Variants in PCDH11Y observed in about 807,000 individuals in gnomAD.
PCDH11Y encodes protocadherin-11 Y-linked.
For missense variants in PCDH11Y, 12 were observed against 224.8 expected, an observed-to-expected ratio of 0.05 and a Z score of 6.05; for synonymous variants, 9 against 83.6, an observed-to-expected ratio of 0.11 and a Z score of 4.87.
downstream of PCDH11Y, among the ~76,000 whole-genome samples, chrY:5,107,976 G>A (rs373712541): frequency 0.13 from 3,721 of 28,648 alleles, no homozygotes; most frequent in African/African-American, 0.55. Flanking sequence ...GGAGAATGGC[G>A]TGAACCCGGG....
intron 1 of PCDH11Y, among the ~76,000 whole-genome samples, chrY:5,061,695 G>T: frequency 1.5e-4 from 5 of 33,111 alleles, no homozygotes; most frequent in Non-Finnish European, 3.7e-4. Flanking sequence ...GTGACAGTGT[G>T]CTGATTGATT....
intron 3 of PCDH11Y, among the ~76,000 whole-genome samples, chrY:5,522,931 C>A (rs1602937713): frequency 1.2e-4 from 4 of 33,942 alleles, no homozygotes. Flanking sequence ...GGACTACACA[C>A]AATTTCAAAC....
chrY:5,410,295 C>T, intron 2 of PCDH11Y, among the ~76,000 whole-genome samples: 1 of 31,679 alleles, frequency 3.2e-5, no homozygotes, highest in East Asian at 8.2e-4. Flanking sequence ...CGCTTGAACC[C>T]GGGAGGCGAG....
intron 4 of PCDH11Y, among the ~76,000 whole-genome samples, chrY:5,649,766 G>A: frequency 3.0e-5 from 1 of 33,073 alleles, no homozygotes. Flanking sequence ...TAGTACATAA[G>A]TTACAGTAAT....
At chrY:5,210,320 G>T in intron 2 of PCDH11Y, among the ~76,000 whole-genome samples, 1 of 33,135 alleles carries the variant, frequency 3.0e-5, no homozygotes, top group Non-Finnish European at 7.4e-5. Context: ...ACAGGGAAAG[G>T]GTATGCTTTA....
intron 2 of PCDH11Y, among the ~76,000 whole-genome samples, chrY:5,378,774 A>G (rs2053201768): frequency 3.1e-5 from 1 of 32,602 alleles, no homozygotes; most frequent in Non-Finnish European, 7.5e-5. Context: ...CAGATGTAGC[A>G]GCAGTTACGA....
chrY:5,737,760 G>A, exon 5 of PCDH11Y: 1 of 399,198 alleles, frequency 2.5e-6, no homozygotes. Flanking sequence ...AGGTGCTAAT[G>A]GACTATGCTC....
At chrY:5,337,370 A>T in intron 2 of PCDH11Y, among the ~76,000 whole-genome samples, 1 of 32,695 alleles carries the variant, frequency 3.1e-5, no homozygotes, top group African/African-American at 1.2e-4. Flanking sequence ...AAAGGCAGTG[A>T]TTTATATTTT....
rs1602884418 is a variant in PCDH11Y, at chrY:5,197,543, G to A, written c.3129+96836G>A. On this transcript the variant is annotated intron_variant, in intron 2 of 4. Transcript: ENST00000400457. ...ACACATGCACACGTATGTTTATTGC[G>A]GCATTATTCACAATAGCAAAGACTT... 1.6e-4 allele frequency among the ~76,000 whole-genome samples: 5 copies of A among 30,764 alleles called. No homozygotes were observed. In the South Asian group the frequency reaches 3.9e-3, roughly 24 times the overall value. The allele number at this position is 30,764 out of a possible 37,273, so 82.5% of individuals were successfully genotyped here.
chrY:5,560,810 G>A, intron 3 of PCDH11Y, among the ~76,000 whole-genome samples: 1 of 33,904 alleles, frequency 2.9e-5, no homozygotes, highest in African/African-American at 1.2e-4. Flanking sequence ...GTGTGCAAGG[G>A]AAATGTGAGG....
At chrY:5,592,549 G>C in intron 4 of PCDH11Y, among the ~76,000 whole-genome samples, 1 of 30,781 alleles carries the variant, frequency 3.2e-5, no homozygotes, top group Non-Finnish European at 7.8e-5. Flanking sequence ...GTATGGATTT[G>C]ATTCTATCAT....
At chrY:5,511,452 C>T in intron 3 of PCDH11Y, among the ~76,000 whole-genome samples, 1 of 33,389 alleles carries the variant, frequency 3.0e-5, no homozygotes, top group East Asian at 7.9e-4. Context: ...AATATCATGG[C>T]GAAAGATCTT....
intron 2 of PCDH11Y, among the ~76,000 whole-genome samples, chrY:5,324,841 C>T (rs2053116696): frequency 6.1e-5 from 2 of 32,691 alleles, no homozygotes; most frequent in Non-Finnish European, 1.5e-4. Flanking sequence ...AGCAACGAGG[C>T]TGTTTATTTC....
At chrY:5,066,008 T>G in intron 1 of PCDH11Y, among the ~76,000 whole-genome samples, 3 of 30,551 alleles carry the variant, frequency 9.8e-5, no homozygotes, top group Non-Finnish European at 1.6e-4. Flanking sequence ...CAGTAGATTT[T>G]GTAGAAGAGG....
intron 2 of PCDH11Y, among the ~76,000 whole-genome samples, chrY:5,451,125 T>A (rs373685455): frequency 9.2e-3 from 302 of 32,892 alleles, no homozygotes; most frequent in South Asian, 0.038. Context: ...CAAAAATAAA[T>A]GTAGATGTGA....
chrY:5,321,147 G>T, intron 2 of PCDH11Y, among the ~76,000 whole-genome samples: 1 of 32,724 alleles, frequency 3.1e-5, no homozygotes, highest in Non-Finnish European at 7.5e-5. Flanking sequence ...AGGTTTAATG[G>T]ACTCACAGTT....
intron 4 of PCDH11Y, among the ~76,000 whole-genome samples, chrY:5,594,525 C>G (rs1266925875): frequency 0.026 from 865 of 33,202 alleles, no homozygotes; most frequent in Middle Eastern, 0.19. Flanking sequence ...AAAGCCACCT[C>G]ACACACACTC....
At chrY:5,666,649 G>A in intron 4 of PCDH11Y, among the ~76,000 whole-genome samples, 1 of 32,385 alleles carries the variant, frequency 3.1e-5, no homozygotes, top group South Asian at 6.8e-4. Flanking sequence ...TTCTCACCTG[G>A]AGTTTCTAAG....
At chrY:5,365,955 A>C in intron 2 of PCDH11Y, among the ~76,000 whole-genome samples, 1 of 33,855 alleles carries the variant, frequency 3.0e-5, no homozygotes, top group East Asian at 7.6e-4. Context: ...CAACATGATT[A>C]ATTACTTAGT....
Sources: gnomAD v4.1 joint callset for allele counts (sites outside exome capture counted in the v4.1 genomes callset) on GRCh38, gnomAD v4.1.1 for gene constraint, MANE v1.5 for transcripts, NCBI Gene and HGNC (gene_info 2026-07-23, HGNC 2026-07-21) for gene names.